Variants in PPP1R13L observed in about 807,000 individuals in gnomAD.
The protein encoded by PPP1R13L is relA-associated inhibitor.
In PPP1R13L, 50 loss-of-function variants were observed where a neutral mutation model predicts 80.9. That is an observed-to-expected ratio of 0.62 (90% CI 0.49 to 0.78). The LOEUF (loss-of-function observed/expected upper bound fraction) is 0.78, where lower values mean the gene tolerates loss of function less well. PPP1R13L is among the 30% of genes least tolerant of loss of function. The pLI is 0.00. For missense variants in PPP1R13L, 1,200 were observed against 1,205.9 expected (o/e 1.00, Z 0.07); for synonymous variants, 602 against 534.3 (o/e 1.13, Z -1.75).
In PPP1R13L at chr19:45,395,572, C is replaced by A; in HGVS notation, c.1218G>T (p.Leu406=). The change falls in exon 7 of 13, where the codon CTG becomes CTT. Residue 406 remains leucine (L), a synonymous_variant. Transcript: ENST00000360957. The stretch of plus-strand genomic sequence containing the variant: ...GGGGCTGTGGTTGTGGTTGGGGCTG[C>A]AGCTTAGGCGGGGGTGCTCGGGTGA... ...PLFTRAPPPK[L]QPQPQPQPQP... The A allele has an allele frequency of 6.8e-7, 1 of 1,476,158 alleles. No individual in the cohort carries two copies. The highest frequency in any genetic ancestry group is 9.0e-7 in the Non-Finnish European group (1 of 1,115,844). The allele number at this position is 1,476,158 out of a possible 1,614,324, so 91.4% of individuals were successfully genotyped here.
At chr19:45,405,923 A>C (rs1020449611), upstream of PPP1R13L, among the ~76,000 whole-genome samples, 5 of 152,140 alleles carry the variant, frequency 3.3e-5, no homozygotes, top group African/African-American at 1.2e-4. Flanking sequence ...GGCAGGGAGG[A>C]GTCGCCGATC....
chr19:45,384,366 C>CAAAAAAAAAAAAAAAA (rs770216477), intron 11 of PPP1R13L, among the ~76,000 whole-genome samples: 3 of 91,258 alleles, frequency 3.3e-5, no homozygotes, highest in African/African-American at 4.6e-5. Flanking sequence ...ACTAAAAATA[C>CAAAAAAAAAAAAAAAA]AAAAAAAAAA....
intron 12 of PPP1R13L, among the ~76,000 whole-genome samples, chr19:45,381,530 C>T (rs1331111706): frequency 3.3e-5 from 5 of 152,140 alleles, no homozygotes; most frequent in Non-Finnish European, 7.3e-5. Context: ...TTAACCTCTC[C>T]ACCAATACAA....
Position 45,395,774 on chromosome 19 carries a change from G to A in PPP1R13L, c.1016C>T (p.Ser339Leu), listed in dbSNP as rs1338115103. The stretch of plus-strand genomic sequence containing the variant: ...CTGCCAGCTGCGAGGCAAAGTGCCC[G>A]ACGGCCCCGCGGAGCCCAGCGAGCG... ...YRRSLGSAGP[S>L]GTLPRSWQPV... Residue 339 changes from serine to leucine, a missense_variant, in exon 7 of 13, where the codon TCG (serine) becomes TTG (leucine). Ser to Leu is a moderately radical substitution (Grantham distance 145). Transcript: ENST00000360957. 6.4e-7 allele frequency: 1 copy of A among 1,558,786 alleles called. No homozygotes were observed. Among genetic ancestry groups the A allele is most frequent in the Non-Finnish European group, 8.6e-7 (1 of 1,156,812 alleles).
Position 45,396,777 on chromosome 19 carries a change from C to T in PPP1R13L, c.480G>A (p.Arg160=), listed in dbSNP as rs1207125225. ...GCTGGCGGAGCGGGCCTGGCCCGGG[C>T]CGCGGGGAGGGCGCACGGCCGAGGG... The part of the protein sequence containing the change: ...GSSLGRAPSP[R]PGPGPLRQQG... The change falls in exon 4 of 13, where the codon CGG becomes CGA. Residue 160 remains arginine (R), a synonymous_variant. Transcript: ENST00000360957. The surrounding 1 kb of genome is among the most constrained non-coding windows in gnomAD (Gnocchi z 5.3). The T allele has an allele frequency of 2.2e-6, 3 of 1,355,122 alleles. No homozygotes were observed. The highest frequency in any genetic ancestry group is 1.9e-6 in the Non-Finnish European group (2 of 1,064,140). The allele number at this position is 1,355,122 out of a possible 1,614,324, so 83.9% of individuals were successfully genotyped here.
chr19:45,401,396 C>G (rs1444439009), intron 1 of PPP1R13L, among the ~76,000 whole-genome samples: 1 of 150,702 alleles, frequency 6.6e-6, no homozygotes, highest in African/African-American at 2.4e-5. Context: ...AGGGGTCTCA[C>G]TTTGTTGCTC....
Position 45,396,765 on chromosome 19 carries a change from G to T in PPP1R13L, c.492C>A (p.Gly164=). 1 of 1,357,770 alleles carries T rather than the reference G, an allele frequency of 7.4e-7. No individual in the cohort carries two copies. Among genetic ancestry groups the T allele is most frequent in the Non-Finnish European group, 9.4e-7 (1 of 1,066,006 alleles). The allele number at this position is 1,357,770 out of a possible 1,614,324, so 84.1% of individuals were successfully genotyped here. ...GRAPSPRPGP[G]PLRQQGPPTP... ...TGGGGGGACCCTGCTGGCGGAGCGG[G>T]CCTGGCCCGGGCCGCGGGGAGGGCG... is the stretch of plus-strand genomic sequence containing the variant. The change falls in exon 4 of 13, where the codon GGC becomes GGA. Residue 164 remains glycine (G), a synonymous_variant. Transcript: ENST00000360957. The surrounding 1 kb of genome is among the most constrained non-coding windows in gnomAD (Gnocchi z 5.3).
chr19:45,398,975 G>C (rs571164908), intron 1 of PPP1R13L, among the ~76,000 whole-genome samples: 36 of 151,802 alleles, frequency 2.4e-4, no homozygotes, highest in African/African-American at 8.7e-4. Flanking sequence ...ATGGTGTCTC[G>C]CATTTTCGCC....
chr19:45,385,722 G>T lies in PPP1R13L; in HGVS notation c.2088C>A (p.Pro696=). The T allele has an allele frequency of 6.2e-7, 1 of 1,610,398 alleles. No individual in the cohort carries two copies. Among genetic ancestry groups the T allele is most frequent in the Non-Finnish European group, 8.5e-7 (1 of 1,178,240 alleles). The change falls in exon 11 of 13, where the codon CCC becomes CCA. Residue 696 remains proline (P), a synonymous_variant. Coordinates refer to ENST00000360957, the MANE Select transcript of PPP1R13L (RefSeq NM_006663.4). The part of the protein sequence containing the change: ...VNSPDSHGWT[P]LHCAASCNDT... ...CGTTGCACGACGCCGCGCAGTGCAAGGGTGTCCTAGGCGTGGGGGTGGGGG... is the reference window on the plus strand; with the variant it reads ...CGTTGCACGACGCCGCGCAGTGCAATGGTGTCCTAGGCGTGGGGGTGGGGG...
Position 45,386,049 on chromosome 19 carries a change from C to A in PPP1R13L, c.1947G>T (p.Glu649Asp). The change falls in exon 9 of 13, where the codon GAG becomes GAT. Residue 649 changes from glutamate to aspartate, a missense_variant and splice_region_variant. This residue lies in a region of PPP1R13L where 214 missense variants were observed against 199.6 expected (regional missense o/e 1.07). Coordinates refer to ENST00000360957, the MANE Select transcript of PPP1R13L (RefSeq NM_006663.4). ...ELEVVQQAVKEMNDPSQPNEE... is the reference protein window; with the variant it reads ...ELEVVQQAVKDMNDPSQPNEE... ...CCACCTCCCGCTCAGCAGCGCTCAC[C>A]TCCTTCACCGCCTGCTGCACCACCT... The A allele has an allele frequency of 6.3e-7, 1 of 1,588,300 alleles. No individual in the cohort carries two copies. The highest frequency in any genetic ancestry group is 1.1e-5 in the South Asian group (1 of 88,220).
At chr19:45,392,595 G>C in intron 7 of PPP1R13L, 1 of 593,252 alleles carries the variant, frequency 1.7e-6, no homozygotes, top group Non-Finnish European at 3.1e-6. Context: ...TGCTTTGTGA[G>C]GTAGATACAC....
In PPP1R13L at chr19:45,380,499, G is replaced by A. The variant is rs568338149; in HGVS notation, c.2449-271C>T. Among the ~76,000 whole-genome samples, 5 of 152,074 alleles carry A rather than the reference G, an allele frequency of 3.3e-5. No homozygotes were observed. In the East Asian group the frequency reaches 9.7e-4, roughly 29 times the overall value. On this transcript the variant is annotated intron_variant, in intron 12 of 12. Coordinates refer to ENST00000360957, the MANE Select transcript of PPP1R13L (RefSeq NM_006663.4). The stretch of plus-strand genomic sequence containing the variant: ...CTCTAACACCTTGGTTGTCTTTTTG[G>A]GTCCCACCTCCATATTTAAAAAATC...
chr19:45,396,320 C>G lies in PPP1R13L; in HGVS notation c.811+18G>C, dbSNP rs374655107. 1.6e-4 allele frequency: 261 copies of G among 1,613,946 alleles called. No homozygotes were observed. Among genetic ancestry groups the G allele is most frequent in the Middle Eastern group, 1.5e-3 (9 of 6,062 alleles). On this transcript the variant is annotated intron_variant, in intron 5 of 12. Transcript: ENST00000360957. This position sits in a 1 kb window ranked among gnomAD's most constrained non-coding sequence, Gnocchi z 5.3. ...CCTCTCCTCCGGGTCCTCCATTCCCCGGGCCTCCACCACTCACGTTCATAG... is the reference window on the plus strand; with the variant it reads ...CCTCTCCTCCGGGTCCTCCATTCCCGGGGCCTCCACCACTCACGTTCATAG...
chr19:45,406,180 A>T, upstream of PPP1R13L: 1 of 600,452 alleles, frequency 1.7e-6, no homozygotes, highest in Non-Finnish European at 2.1e-6. This position sits in a 1 kb window ranked among gnomAD's most constrained non-coding sequence, Gnocchi z 4.2. Flanking sequence ...GATTGCCCCT[A>T]TTTCTCCATT....
At chr19:45,397,464 C>CTTTCTTTCTT (rs1555782640) in intron 3 of PPP1R13L, among the ~76,000 whole-genome samples, 3 of 101,704 alleles carry the variant, frequency 2.9e-5, no homozygotes, top group South Asian at 3.5e-4. Context: ...TGCTTGCTTT[C>CTTTCTTTCTT]TCTCTCTCTC....
chr19:45,393,729 T>G (rs1424955693), intron 7 of PPP1R13L, among the ~76,000 whole-genome samples: 1 of 151,628 alleles, frequency 6.6e-6, no homozygotes, highest in Non-Finnish European at 1.5e-5. Flanking sequence ...AAAAATTAGC[T>G]GGGGGTGGTG....
rs150480419 is a variant in PPP1R13L, at chr19:45,397,921, G to C, written c.198+84C>G. On this transcript the variant is annotated intron_variant, in intron 3 of 12. Coordinates refer to ENST00000360957, the MANE Select transcript of PPP1R13L (RefSeq NM_006663.4). ...GCCCACAACCTGCATAACTATATGG[G>C]GCAATTTTGCCTGAAATCCAGGCCT... 3.4e-4 allele frequency: 511 copies of C among 1,507,612 alleles called. No homozygotes were observed. In the African/African-American group the frequency reaches 6.3e-3, roughly 19 times the overall value. The allele number at this position is 1,507,612 out of a possible 1,614,324, so 93.4% of individuals were successfully genotyped here.
Position 45,398,129 on chromosome 19 carries a change from A to G in PPP1R13L, c.74T>C (p.Met25Thr). 2 of 1,613,950 alleles carry G rather than the reference A, an allele frequency of 1.2e-6. No individual in the cohort carries two copies. Among genetic ancestry groups the G allele is most frequent in the Non-Finnish European group, 1.7e-6 (2 of 1,179,918 alleles). The change falls in exon 3 of 13, where the codon ATG (methionine) becomes ACG (threonine). Residue 25 changes from methionine (M) to threonine (T), a missense_variant. Met to Thr is a moderately conservative substitution (Grantham distance 81). This residue lies in a region of PPP1R13L where 764 missense variants were observed against 714.5 expected (regional missense o/e 1.07). Coordinates refer to ENST00000360957, the MANE Select transcript of PPP1R13L (RefSeq NM_006663.4). ...GTCCAGCTCCATCTGCTTCAGATCC[A>G]TGTGTTTCATGGCCAGCGCTGGGAA... ...MNFQSLAMKH[M>T]DLKQMELDTA...
rs938482444 is a variant in PPP1R13L, at chr19:45,402,142, C to T, written c.-22+2857G>A. 4.6e-5 allele frequency: 7 copies of T among 152,304 alleles called. No individual in the cohort carries two copies. In the Middle Eastern group the frequency reaches 0.01, roughly 222 times the overall value. The allele number at this position is 152,304 out of a possible 1,614,324, so 9.4% of individuals were successfully genotyped here. On this transcript the variant is annotated intron_variant, in intron 1 of 12. Transcript: ENST00000360957. Reference sequence around the variant, plus strand: ...AGAAGAGACTACAGGAATAAAAACTCGGGCATTTAGAATTTCAGAGATACA... The same window carrying T: ...AGAAGAGACTACAGGAATAAAAACTTGGGCATTTAGAATTTCAGAGATACA...
Sources: gnomAD v4.1 joint callset for allele counts (sites outside exome capture counted in the v4.1 genomes callset) on GRCh38, gnomAD v4.1.1 for gene constraint, gnomAD v4.1.1 regional missense constraint, Gnocchi (gnomAD v3.1) non-coding constraint, MANE v1.5 for transcripts, NCBI Gene and HGNC (gene_info 2026-07-23, HGNC 2026-07-21) for gene names.